The following PCSK2 variants were observed in gnomAD, a reference collection of about 807,000 sequenced individuals.
The protein encoded by PCSK2 is proprotein convertase subtilisin/kexin type 2, also known as neuroendocrine convertase 2.
In PCSK2, 14 loss-of-function variants were observed where a neutral mutation model predicts 69.7. That is an observed-to-expected ratio of 0.20 (90% confidence interval 0.13 to 0.31). PCSK2 has a LOEUF of 0.31. PCSK2 is among the 10% of genes least tolerant of loss of function. The pLI, the probability that PCSK2 is intolerant of heterozygous loss-of-function variation, is 1.00. For missense variants in PCSK2, 544 were observed against 842.5 expected, an observed-to-expected ratio of 0.65 and a Z score of 4.39; for synonymous variants, 307 against 320.7, an observed-to-expected ratio of 0.96 and a Z score of 0.46.
At chr20:17,297,821 C>A (rs1171567488) in intron 2 of PCSK2, among the ~76,000 whole-genome samples, 3 of 152,172 alleles carry the variant, frequency 2.0e-5, no homozygotes, top group African/African-American at 7.2e-5. Context: ...CTCATTCCTT[C>A]ATTTTTTGCC....
chr20:17,464,848 A>T (rs2033072681), intron 10 of PCSK2: 2 of 183,496 alleles, frequency 1.1e-5, no homozygotes, highest in African/African-American at 2.3e-5. Context: ...GGCTAGGAGC[A>T]TTCTAGTACA....
At chr20:17,415,502 G>T (rs2031978995) in intron 6 of PCSK2, among the ~76,000 whole-genome samples, 1 of 152,126 alleles carries the variant, frequency 6.6e-6, no homozygotes, top group East Asian at 1.9e-4. Flanking sequence ...CCTCTTCAAG[G>T]AGAACAATAA....
At chr20:17,277,535 G>A (rs966252647) in intron 2 of PCSK2, among the ~76,000 whole-genome samples, 7 of 152,148 alleles carry the variant, frequency 4.6e-5, no homozygotes, top group African/African-American at 1.4e-4. Flanking sequence ...CCTGAAACTG[G>A]ATCCCCTCCT....
chr20:17,439,940 G>A (rs536036551), intron 8 of PCSK2, among the ~76,000 whole-genome samples: 1 of 152,136 alleles, frequency 6.6e-6, no homozygotes, highest in East Asian at 1.9e-4. Context: ...AAGCACATAG[G>A]GCACCAAATG....
At chr20:17,240,575 G>A (rs1986528900) in intron 1 of PCSK2, among the ~76,000 whole-genome samples, 1 of 152,188 alleles carries the variant, frequency 6.6e-6, no homozygotes, top group South Asian at 2.1e-4. Flanking sequence ...GGGAAGGCAG[G>A]CAGTGCATCA....
intron 9 of PCSK2, among the ~76,000 whole-genome samples, chr20:17,454,801 A>G (rs2032889094): frequency 6.6e-6 from 1 of 152,212 alleles, no homozygotes; most frequent in Non-Finnish European, 1.5e-5. Flanking sequence ...ACAGGAGCTC[A>G]GGACAAAATC....
chr20:17,468,309 G>A (rs868488950), intron 11 of PCSK2, among the ~76,000 whole-genome samples: 19 of 146,982 alleles, frequency 1.3e-4, no homozygotes, highest in Middle Eastern at 3.8e-3. Flanking sequence ...TCCTGCCGTA[G>A]ACAGGCAGCC....
intron 6 of PCSK2, among the ~76,000 whole-genome samples, chr20:17,426,679 G>A (rs1164057526): frequency 6.6e-6 from 1 of 152,246 alleles, no homozygotes; most frequent in African/African-American, 2.4e-5. Flanking sequence ...AAGGTAGCCT[G>A]CTATAGAACC....
At chr20:17,462,552 C>T (rs564768233) in intron 10 of PCSK2, among the ~76,000 whole-genome samples, 3 of 152,312 alleles carry the variant, frequency 2.0e-5, no homozygotes, top group Admixed American at 6.5e-5. Context: ...CCTGAGCTCC[C>T]CCATCATGAC....
chr20:17,479,795 T>TCAAAAAAAAAAAAAA, intron 11 of PCSK2, among the ~76,000 whole-genome samples: 1 of 25,254 alleles, frequency 4.0e-5, no homozygotes, highest in Non-Finnish European at 6.3e-5. Flanking sequence ...AGACTCCGTC[T>TCAAAAAAAAAAAAAA]CAAAAAAAAA....
In PCSK2 at chr20:17,484,090, G is replaced by A. The variant is rs1490056245; in HGVS notation, c.*2020G>A. 2 of 152,370 alleles carry A rather than the reference G, an allele frequency of 1.3e-5. No individual in the cohort carries two copies. Among genetic ancestry groups the A allele is most frequent in the Non-Finnish European group, 2.9e-5 (2 of 68,002 alleles). The allele number at this position is 152,370 out of a possible 1,614,324, so 9.4% of individuals were successfully genotyped here. Reference sequence around the variant, plus strand: ...ATGATTCTGGCTGAAAAAGGCCAGTGGAAATTCAGGTGAAAATGTTCATCA... The same window carrying A: ...ATGATTCTGGCTGAAAAAGGCCAGTAGAAATTCAGGTGAAAATGTTCATCA... On this transcript the variant is annotated 3_prime_UTR_variant, in exon 12 of 12. Coordinates refer to ENST00000262545, the MANE Select transcript of PCSK2 (RefSeq NM_002594.5).
At chr20:17,259,979 A>G (rs982530104) in intron 1 of PCSK2, among the ~76,000 whole-genome samples, 2 of 152,154 alleles carry the variant, frequency 1.3e-5, no homozygotes, top group Non-Finnish European at 2.9e-5. Context: ...GGATGTGCAG[A>G]AAGTTAAAAA....
chr20:17,351,705 T>C (rs4814609), intron 2 of PCSK2, among the ~76,000 whole-genome samples: 26,672 of 151,938 alleles, frequency 0.18, 3,217 homozygotes, highest in East Asian at 0.54. Context: ...CTCAAAATAA[T>C]AATAACAGCC....
chr20:17,265,195 A>T (rs1186468091), intron 2 of PCSK2, among the ~76,000 whole-genome samples: 1 of 152,088 alleles, frequency 6.6e-6, no homozygotes, highest in Non-Finnish European at 1.5e-5. Context: ...TTTTGTCTTG[A>T]CCACACCTTC....
At chr20:17,356,130 CACAT>C (rs1166944444) in intron 2 of PCSK2, among the ~76,000 whole-genome samples, 1 of 152,028 alleles carries the variant, frequency 6.6e-6, no homozygotes, top group African/African-American at 2.4e-5. Flanking sequence ...TATATATACA[CACAT>C]ACATGTGCAT....
intron 5 of PCSK2, among the ~76,000 whole-genome samples, chr20:17,373,079 G>A (rs867697506): frequency 2.6e-5 from 4 of 152,160 alleles, no homozygotes; most frequent in African/African-American, 9.7e-5. Flanking sequence ...CCTTGAGAGA[G>A]AGGTACTTGG....
intron 2 of PCSK2, among the ~76,000 whole-genome samples, chr20:17,348,653 T>A (rs922467878): frequency 6.6e-5 from 10 of 152,182 alleles, no homozygotes; most frequent in African/African-American, 2.4e-4. Flanking sequence ...GAAGGTGTCA[T>A]CAGGGTTGGT....
chr20:17,450,998 A>G (rs187315149), intron 8 of PCSK2, among the ~76,000 whole-genome samples: 25 of 152,260 alleles, frequency 1.6e-4, no homozygotes, highest in Admixed American at 1.1e-3. Flanking sequence ...CTGCCCCCAG[A>G]ACTAGAGAAT....
chr20:17,234,199 G>T (rs1986247522), intron 1 of PCSK2, among the ~76,000 whole-genome samples: 8 of 152,168 alleles, frequency 5.3e-5, no homozygotes, highest in Admixed American at 5.2e-4. Flanking sequence ...CCAAAGTTCT[G>T]TGAGAGCACA....
Sources: allele counts gnomAD v4.1 joint callset (sites outside exome capture counted in the v4.1 genomes callset), GRCh38; gene constraint gnomAD v4.1.1; transcripts MANE v1.5; gene names NCBI Gene and HGNC (gene_info 2026-07-23, HGNC 2026-07-21).